Variants in UBR1 observed in about 807,000 individuals in gnomAD.
UBR1 encodes ubiquitin protein ligase E3 component n-recognin 1, also known as E3 ubiquitin-protein ligase UBR1.
UBR1 carries 102 observed loss-of-function variants against 242.1 expected under a neutral mutation model. That is an observed-to-expected ratio of 0.42 (90% CI 0.36 to 0.50). UBR1 has a LOEUF of 0.50. Ranked by LOEUF, UBR1 falls within the 20% of genes least tolerant of loss-of-function variation. The pLI is 0.01. For synonymous variants in UBR1, 675 were observed against 684.8 expected, an observed-to-expected ratio of 0.99 and a Z score of 0.22; for missense variants, 1,772 against 2,101.8, an observed-to-expected ratio of 0.84 and a Z score of 3.07.
intron 32 of UBR1, among the ~76,000 whole-genome samples, chr15:43,000,565 G>T (rs1350515184): frequency 6.6e-6 from 1 of 152,130 alleles, no homozygotes; most frequent in Non-Finnish European, 1.5e-5. Flanking sequence ...TCAGGTCTGG[G>T]TTTGAATATT....
chr15:42,968,890 G>A (rs944966333), intron 40 of UBR1, among the ~76,000 whole-genome samples: 3 of 152,068 alleles, frequency 2.0e-5, no homozygotes, highest in Non-Finnish European at 2.9e-5. Flanking sequence ...GTGTGTATGT[G>A]CCACATTTGC....
At chr15:43,029,703 C>A (rs1207956252) in intron 21 of UBR1, among the ~76,000 whole-genome samples, 4 of 152,130 alleles carry the variant, frequency 2.6e-5, no homozygotes, top group Non-Finnish European at 5.9e-5. Context: ...TCAGAAGTTC[C>A]CTTTCAAGAA....
At chr15:43,019,257 G>C (rs891848188) in intron 27 of UBR1, among the ~76,000 whole-genome samples, 9 of 152,128 alleles carry the variant, frequency 5.9e-5, no homozygotes, top group Middle Eastern at 3.4e-3. Flanking sequence ...TAGAGACGGG[G>C]TTTCACCATG....
At chr15:43,041,599 C>CA (rs1162860299) in intron 15 of UBR1, among the ~76,000 whole-genome samples, 3 of 151,040 alleles carry the variant, frequency 2.0e-5, no homozygotes, top group South Asian at 4.2e-4. Context: ...AATTAAAAAA[C>CA]AAAAAAACAA....
chr15:43,011,766 T>G (rs562304741), intron 29 of UBR1, among the ~76,000 whole-genome samples: 11 of 152,294 alleles, frequency 7.2e-5, no homozygotes, highest in African/African-American at 2.4e-4. Context: ...ACTGGACTCC[T>G]TGACTAAGTA....
chr15:43,028,711 C>T (rs901579686), intron 21 of UBR1, among the ~76,000 whole-genome samples: 7 of 150,442 alleles, frequency 4.7e-5, no homozygotes, highest in African/African-American at 1.7e-4. Context: ...CACCACTGCA[C>T]TCCAGCCTGG....
chr15:42,953,374 A>G (rs1162302448), intron 44 of UBR1, among the ~76,000 whole-genome samples: 3 of 152,218 alleles, frequency 2.0e-5, no homozygotes, highest in Admixed American at 1.3e-4. Context: ...CTAGGCCCAC[A>G]CTGGGGTCGG....
At chr15:43,004,062 A>G in intron 30 of UBR1, 132 bp from the exon 31 acceptor site, 3 of 781,674 alleles carry the variant, frequency 3.8e-6, no homozygotes. Flanking sequence ...AGTAACAAAA[A>G]GAGAAAAGTA....
At chr15:43,078,057 A>G (rs1380133309) in intron 3 of UBR1, among the ~76,000 whole-genome samples, 1 of 152,214 alleles carries the variant, frequency 6.6e-6, no homozygotes, top group Non-Finnish European at 1.5e-5. Context: ...ATAGCAAGAG[A>G]AGGGAGCTTA....
chr15:43,079,649 G>A (rs1446664663), intron 3 of UBR1, among the ~76,000 whole-genome samples: 1 of 152,182 alleles, frequency 6.6e-6, no homozygotes, highest in Middle Eastern at 3.2e-3. Context: ...GGGTATGGTG[G>A]TGGGCGCCTG....
At chr15:43,091,293 T>C (rs1015168645) in intron 1 of UBR1, among the ~76,000 whole-genome samples, 2 of 152,188 alleles carry the variant, frequency 1.3e-5, no homozygotes, top group Non-Finnish European at 2.9e-5. Context: ...ACATTATAGG[T>C]TGGGCATCCC....
At chr15:43,056,538 T>C (rs1567138665) in intron 10 of UBR1, 96 bp from the exon 11 acceptor site, 1 of 789,958 alleles carries the variant, frequency 1.3e-6, no homozygotes, top group East Asian at 2.6e-5. Flanking sequence ...TTTCTATCTA[T>C]AAAATGTCAA....
rs149798608 is a variant in UBR1 at position 42,966,423 on chromosome 15, C to G, written c.4458-137G>C. On this transcript the variant is annotated intron_variant, in intron 40 of 46. Transcript: ENST00000290650. Reference sequence around the variant, plus strand: ...CCATGCAATTTTTAAACATTTAAAACAAAATATAATCCCAGCACTCTGGGA... The same window carrying G: ...CCATGCAATTTTTAAACATTTAAAAGAAAATATAATCCCAGCACTCTGGGA... 1.7e-3 allele frequency: 2,173 copies of G among 1,299,648 alleles called. 24 individuals carry two copies. The African/African-American group carries it at 0.029, about 17-fold the overall frequency. 80.5% of individuals were successfully genotyped at this position (1,299,648 alleles called of 1,614,324 possible).
At chr15:43,075,562 T>C (rs1373053918) in intron 3 of UBR1, among the ~76,000 whole-genome samples, 1 of 152,004 alleles carries the variant, frequency 6.6e-6, no homozygotes, top group Non-Finnish European at 1.5e-5. Flanking sequence ...TAGCATTAGG[T>C]ATATCTCCCA....
intron 1 of UBR1, among the ~76,000 whole-genome samples, chr15:43,088,147 T>C (rs2034061003): frequency 6.6e-6 from 1 of 152,252 alleles, no homozygotes; most frequent in African/African-American, 2.4e-5. Context: ...ACTTTTTCAA[T>C]CCTATACATT....
intron 29 of UBR1, among the ~76,000 whole-genome samples, chr15:43,010,991 A>AGT (rs1043097387): frequency 6.6e-6 from 1 of 151,854 alleles, no homozygotes; most frequent in Non-Finnish European, 1.5e-5. Flanking sequence ...CTCCATCTCA[A>AGT]GTGTGTGTGT....
chr15:43,034,616 G>A (rs1159846016), intron 19 of UBR1, among the ~76,000 whole-genome samples: 1 of 151,982 alleles, frequency 6.6e-6, no homozygotes, highest in Admixed American at 6.6e-5. Context: ...CATGTTGTTG[G>A]CCAGGCACGG....
chr15:42,963,123 TAAAC>T (rs1474377343), intron 42 of UBR1, among the ~76,000 whole-genome samples: 1 of 152,216 alleles, frequency 6.6e-6, no homozygotes, highest in Non-Finnish European at 1.5e-5. Flanking sequence ...CTGATTTTCT[TAAAC>T]AATTCATTTT....
At chr15:43,099,654 T>A (rs1471807486) in intron 1 of UBR1, among the ~76,000 whole-genome samples, 1 of 152,128 alleles carries the variant, frequency 6.6e-6, no homozygotes, top group Non-Finnish European at 1.5e-5. Flanking sequence ...CTCAGTGTCT[T>A]CTCATTCATT....
Sources: allele counts gnomAD v4.1 joint callset (sites outside exome capture counted in the v4.1 genomes callset), GRCh38; gene constraint gnomAD v4.1.1; transcripts MANE v1.5; gene names NCBI Gene and HGNC (gene_info 2026-07-23, HGNC 2026-07-21).